Variants in CIB4 observed in about 807,000 individuals in gnomAD.
CIB4 encodes the protein calcium and integrin binding family member 4, also known as calcium and integrin-binding family member 4.
Under a neutral mutation model 25.8 loss-of-function variants are expected in CIB4, and 25 were observed. The observed-to-expected ratio is 0.97, with a 90% confidence interval of 0.71 to 1.35. The LOEUF (loss-of-function observed/expected upper bound fraction) is 1.35. CIB4 is among the 40% of genes most tolerant of loss of function. The pLI is 0.00. For missense variants in CIB4, 235 were observed against 228.2 expected (o/e 1.03, Z -0.19); for synonymous variants, 75 against 81.4 (o/e 0.92, Z 0.42).
chr2:26,629,322 C>T (rs1669370122), intron 3 of CIB4, 88 bp downstream of exon 3: 2 of 823,574 alleles, frequency 2.4e-6, no homozygotes, highest in East Asian at 2.7e-5. Flanking sequence ...ACGGAGTGCC[C>T]ACCTCACCCC....
At chr2:26,631,114 T>C (rs1032684587) in intron 2 of CIB4, among the ~76,000 whole-genome samples, 3 of 152,274 alleles carry the variant, frequency 2.0e-5, no homozygotes, top group African/African-American at 4.8e-5. Context: ...CAGTCCCCTA[T>C]TGACATTCCA....
intron 3 of CIB4, among the ~76,000 whole-genome samples, chr2:26,614,253 C>G (rs1669050452): frequency 6.6e-6 from 1 of 152,198 alleles, no homozygotes; most frequent in African/African-American, 2.4e-5. Flanking sequence ...GAGAGGGGCC[C>G]TTGGGACCAG....
intron 2 of CIB4, among the ~76,000 whole-genome samples, chr2:26,632,985 G>A (rs949965521): frequency 8.5e-5 from 13 of 152,054 alleles, no homozygotes; most frequent in Non-Finnish European, 5.9e-5. Context: ...CCCCCACCAC[G>A]GGCACCACCG....
At chr2:26,598,803 C>T (rs989878404) in intron 3 of CIB4, among the ~76,000 whole-genome samples, 8 of 152,138 alleles carry the variant, frequency 5.3e-5, no homozygotes, top group African/African-American at 1.9e-4. Flanking sequence ...AAAGGGGCAC[C>T]GATAGTGCTG....
intron 6 of CIB4, 86 bp from the exon 7 acceptor site, chr2:26,581,479 C>T (rs541707275): frequency 2.3e-6 from 3 of 1,319,436 alleles, no homozygotes; most frequent in East Asian, 2.3e-5. Context: ...CCTGGAGGCT[C>T]CCTCCCCGGC....
intron 3 of CIB4, among the ~76,000 whole-genome samples, chr2:26,608,551 C>T (rs17005524): frequency 6.6e-6 from 1 of 152,120 alleles, no homozygotes; most frequent in South Asian, 2.1e-4. Flanking sequence ...CCTGATCGAA[C>T]TCCCAGGGCC....
intron 3 of CIB4, among the ~76,000 whole-genome samples, chr2:26,619,547 C>T (rs1669162301): frequency 6.6e-6 from 1 of 152,168 alleles, no homozygotes; most frequent in South Asian, 2.1e-4. Flanking sequence ...AACCTCACTC[C>T]CTCCTGACAC....
chr2:26,612,068 A>G (rs946490857), intron 3 of CIB4, among the ~76,000 whole-genome samples: 2 of 152,270 alleles, frequency 1.3e-5, no homozygotes, highest in Non-Finnish European at 2.9e-5. Flanking sequence ...AGTGCACTCC[A>G]GAGACAATTT....
Position 26,581,359 on chromosome 2 carries a change from T to C in CIB4, c.*4A>G, listed in dbSNP as rs1238485251. On this transcript the variant is annotated 3_prime_UTR_variant, in exon 7 of 7. Coordinates refer to ENST00000288861, the MANE Select transcript of CIB4 (RefSeq NM_001029881.3). ...GGCTGCCATGTCAGGTGTTTGCCGC[T>C]ACATCAGCATCCCCAGAAGTGAATC... The C allele has an allele frequency of 9.3e-6, 15 of 1,613,410 alleles. No individual in the cohort carries two copies. The highest frequency in any genetic ancestry group is 1.3e-5 in the Non-Finnish European group (15 of 1,179,458).
intron 3 of CIB4, among the ~76,000 whole-genome samples, chr2:26,624,628 T>A (rs549626650): frequency 6.6e-6 from 1 of 151,564 alleles, no homozygotes; most frequent in African/African-American, 2.4e-5. Flanking sequence ...ATATTTTTTT[T>A]AATGTCCTTA....
Position 26,608,935 on chromosome 2 carries a change from C to G in CIB4, c.187-13618G>C, listed in dbSNP as rs148943404. 5.0e-3 allele frequency among the ~76,000 whole-genome samples: 765 copies of G among 152,284 alleles called. 2 individuals are homozygous for G. The highest frequency in any genetic ancestry group is 7.3e-3 in the Non-Finnish European group (495 of 68,024). Reference sequence around the variant, plus strand: ...CACTTCCACCTGAGATGAGCTGTCTCTCCTGCAAGCCTGTCCTTTAACTGG... The same window carrying G: ...CACTTCCACCTGAGATGAGCTGTCTGTCCTGCAAGCCTGTCCTTTAACTGG... On this transcript the variant is annotated intron_variant, in intron 3 of 6. Coordinates refer to ENST00000288861, the MANE Select transcript of CIB4 (RefSeq NM_001029881.3).
intron 4 of CIB4, among the ~76,000 whole-genome samples, chr2:26,591,961 C>G (rs1668594450): frequency 6.6e-6 from 1 of 152,134 alleles, no homozygotes; most frequent in Non-Finnish European, 1.5e-5. Context: ...TGAGAAGGCA[C>G]CCCGGCCAGA....
At chr2:26,628,085 C>G (rs535645471) in intron 3 of CIB4, among the ~76,000 whole-genome samples, 104 of 152,314 alleles carry the variant, frequency 6.8e-4, no homozygotes, top group African/African-American at 2.3e-3. Context: ...CTGCCAAGAA[C>G]CGAATGAAAA....
chr2:26,593,787 G>T (rs1572544525), intron 4 of CIB4, among the ~76,000 whole-genome samples: 1 of 152,226 alleles, frequency 6.6e-6, no homozygotes, highest in African/African-American at 2.4e-5. Context: ...AAATGTGGTG[G>T]CAGCTCAAAT....
intron 4 of CIB4, among the ~76,000 whole-genome samples, chr2:26,584,426 C>T (rs1668411543): frequency 6.6e-6 from 1 of 152,248 alleles, no homozygotes; most frequent in Non-Finnish European, 1.5e-5. Context: ...GTCCCTGCTC[C>T]TGTCCCGATG....
At chr2:26,593,306 A>ATGTG (rs142260376) in intron 4 of CIB4, among the ~76,000 whole-genome samples, 25 of 147,628 alleles carry the variant, frequency 1.7e-4, no homozygotes, top group Non-Finnish European at 2.8e-4. Context: ...ATGTAGAGAT[A>ATGTG]TGTGTGTGTG....
intron 3 of CIB4, among the ~76,000 whole-genome samples, chr2:26,624,840 G>GTATA (rs762967054): frequency 9.5e-5 from 14 of 146,844 alleles, no homozygotes; most frequent in African/African-American, 3.4e-4. Context: ...GTATTATGGT[G>GTATA]TATATATATA....
intron 4 of CIB4, among the ~76,000 whole-genome samples, chr2:26,590,313 T>C (rs1269459356): frequency 7.3e-6 from 1 of 136,244 alleles, no homozygotes; most frequent in African/African-American, 2.7e-5. Flanking sequence ...TACAGCCAAG[T>C]GTGAGAAGCA....
In CIB4 at chr2:26,584,966, C is replaced by T. The variant is rs565660788; in HGVS notation, c.329-1068G>A. 7.2e-5 allele frequency among the ~76,000 whole-genome samples: 11 copies of T among 152,316 alleles called. No homozygotes were observed. The South Asian group carries it at 8.3e-4, about 11-fold the overall frequency. On this transcript the variant is annotated intron_variant, in intron 4 of 6. Coordinates refer to ENST00000288861, the MANE Select transcript of CIB4 (RefSeq NM_001029881.3). ...GCTCAGAAGTGCCCACCCACCGTCC[C>T]GCCAGTCGGGGAGTGCTGCCCTGAG... is the stretch of plus-strand genomic sequence containing the variant.
Sources: allele counts gnomAD v4.1 joint callset (sites outside exome capture counted in the v4.1 genomes callset), GRCh38; gene constraint gnomAD v4.1.1; transcripts MANE v1.5; gene names NCBI Gene and HGNC (gene_info 2026-07-23, HGNC 2026-07-21).